The following MUC5AC variants were observed in gnomAD, a reference collection of about 807,000 sequenced individuals.
MUC5AC encodes mucin-5AC.
In MUC5AC, 158 loss-of-function variants were observed where a neutral mutation model predicts 169.7. That is an observed-to-expected ratio of 0.93 (90% CI 0.82 to 1.06). MUC5AC has a LOEUF of 1.06. Among genes scored for constraint, MUC5AC ranks in the 50% least tolerant of loss-of-function variants. The probability of loss-of-function intolerance (pLI) is 0.00; values close to 1 mark genes in which losing one functional copy is unlikely to be tolerated. For synonymous variants in MUC5AC, 1,975 were observed against 1,237.0 expected, an observed-to-expected ratio of 1.60 and a Z score of -12.52; for missense variants, 4,359 against 3,089.9, an observed-to-expected ratio of 1.41 and a Z score of -9.74.
rs954026362 is a variant in MUC5AC, at chr11:1,162,022, G to A, written c.327G>A (p.Glu109=). Residue 109 remains glutamate, a synonymous_variant, in exon 4 of 49, where the codon GAG becomes GAA. Coordinates refer to ENST00000621226, the MANE Select transcript of MUC5AC (RefSeq NM_001304359.2). ...GCCTCTGCAACTACGTGTTCTCCGA[G>A]CACTGCGGTGCCGCCTACGAGGATT... is the stretch of plus-strand genomic sequence containing the variant. ...FPGLCNYVFS[E]HCGAAYEDFN... 6.2e-7 allele frequency: 1 copy of A among 1,612,612 alleles called. No homozygotes were observed. The highest frequency in any genetic ancestry group is 8.5e-7 in the Non-Finnish European group (1 of 1,179,778).
At chr11:1,179,054 G>A (rs889087979) in intron 25 of MUC5AC, 38 bp from the exon 26 acceptor site, 2 of 473,006 alleles carry the variant, frequency 4.2e-6, no homozygotes, top group African/African-American at 4.0e-5. Flanking sequence ...GCGGGGTGGT[G>A]GGGGGGTCCC....
rs1861032215 is a variant in MUC5AC at position 1,189,470 on chromosome 11, A to C, written c.11325A>C (p.Thr3775=). 1.8e-6 allele frequency: 1 copy of C among 556,006 alleles called. No individual in the cohort carries two copies. The highest frequency in any genetic ancestry group is 3.2e-5 in the Admixed American group (1 of 31,086). The allele number at this position is 556,006 out of a possible 1,614,324, so 34.4% of individuals were successfully genotyped here. Residue 3775 remains threonine, a synonymous_variant, in exon 31 of 49, where the codon ACA becomes ACC. Transcript: ENST00000621226. Reference sequence around the variant, plus strand: ...CTTCCTCGGCTCCTACAACCAACACAACCTCTGCCCCTACAACTAGCACTA... The same window carrying C: ...CTTCCTCGGCTCCTACAACCAACACCACCTCTGCCCCTACAACTAGCACTA... ...TSTSSAPTTN[T]TSAPTTSTTS...
intron 15 of MUC5AC, among the ~76,000 whole-genome samples, chr11:1,171,327 T>C (rs1860520232): frequency 2.2e-5 from 2 of 92,926 alleles, no homozygotes; most frequent in Non-Finnish European, 4.1e-5. Flanking sequence ...GTCACCTCAC[T>C]CACTCACTCA....
In MUC5AC at chr11:1,160,661, C is replaced by T; in HGVS notation, c.123C>T (p.Ala41=). 1.2e-6 allele frequency: 2 copies of T among 1,610,856 alleles called. No individual in the cohort carries two copies. The highest frequency in any genetic ancestry group is 1.7e-6 in the Non-Finnish European group (2 of 1,179,626). Residue 41 remains alanine, a synonymous_variant, in exon 2 of 49, where the codon GCC becomes GCT. Transcript: ENST00000621226. The part of the protein sequence containing the change: ...SSESSYKHHP[A]LSPIARGPSG... ...AATCCAGCTACAAGCACCACCCTGC[C>T]CTCTCTCCTATCGCCCGGGGGCCCA...
Position 1,197,924 on chromosome 11 carries a change from C to T in MUC5AC, c.16055C>T (p.Pro5352Leu), listed in dbSNP as rs1037938334. ...YSCACNTSRC[P>L]APVGCPEGAR... ...GCAGCCTGCAACACCAGCCGCTGCC[C>T]CGCGCCCGTGGGCTGTCCTGAGGGC... is the stretch of plus-strand genomic sequence containing the variant. Residue 5352 changes from proline (P) to leucine (L), a missense_variant, in exon 42 of 49, where the codon CCC (proline) becomes CTC (leucine). Transcript: ENST00000621226. 4 of 730,986 alleles carry T rather than the reference C, an allele frequency of 5.5e-6. No homozygotes were observed. The highest frequency in any genetic ancestry group is 3.4e-5 in the African/African-American group (2 of 58,368). The allele number at this position is 730,986 out of a possible 1,614,324, so 45.3% of individuals were successfully genotyped here.
rs1194245005 is a variant in MUC5AC, at chr11:1,173,039, C to A, written c.1965+516C>A. ...TCGCCCCCCCACTCACCCATTCACT[C>A]ACTCATTCACTAACTTACTCACTCA... On this transcript the variant is annotated intron_variant, in intron 16 of 48. Transcript: ENST00000621226. 2.0e-5 allele frequency among the ~76,000 whole-genome samples: 3 copies of A among 151,736 alleles called. No homozygotes were observed. The East Asian group carries it at 5.8e-4, about 29-fold the overall frequency.
rs751891374 is a variant in MUC5AC at position 1,197,553 on chromosome 11, C to T, written c.15947C>T (p.Pro5316Leu). 13 of 716,508 alleles carry T rather than the reference C, an allele frequency of 1.8e-5. No individual in the cohort carries two copies. Among genetic ancestry groups the T allele is most frequent in the East Asian group, 5.2e-5 (2 of 38,292 alleles). 44.4% of individuals were successfully genotyped at this position (716,508 alleles called of 1,614,324 possible). Residue 5316 changes from proline to leucine, a missense_variant, in exon 41 of 49, where the codon CCG becomes CTG. By Grantham distance (98) the Pro-to-Leu change is moderately conservative. Transcript: ENST00000621226. ...WTLTCRPKLCPLPPACPLPGF... is the reference protein window; with the variant it reads ...WTLTCRPKLCLLPPACPLPGF... Reference sequence around the variant, plus strand: ...CTGACCTGCCGACCCAAGCTCTGCCCGCTGCCCCCTGCCTGCCCCCTGCCC... The same window carrying T: ...CTGACCTGCCGACCCAAGCTCTGCCTGCTGCCCCCTGCCTGCCCCCTGCCC...
At position 1,165,683 on chromosome 11, in the gene MUC5AC, C is replaced by G. The variant is rs747345301; in HGVS notation, c.1309C>G (p.Leu437Val). Residue 437 changes from leucine (L) to valine (V), a missense_variant, in exon 11 of 49, where the codon CTT (leucine) becomes GTT (valine). By Grantham distance (32) the Leu-to-Val change is conservative (BLOSUM62 1). Coordinates refer to ENST00000621226, the MANE Select transcript of MUC5AC (RefSeq NM_001304359.2). ...TCCATGCCCGGGTACCTGCTCTGTG[C>G]TTGGAGGTGCCCACTTCTCAACGTT... Reference protein sequence around the residue: ...EVPCPGTCSVLGGAHFSTFDG... With the variant: ...EVPCPGTCSVVGGAHFSTFDG... The G allele has an allele frequency of 6.2e-7, 1 of 1,612,510 alleles. No individual in the cohort carries two copies. Among genetic ancestry groups the G allele is most frequent in the East Asian group, 2.2e-5 (1 of 44,882 alleles).
chr11:1,195,124 C>A lies in MUC5AC; in HGVS notation c.15303C>A (p.Ala5101=), dbSNP rs1203573316. The change falls in exon 36 of 49, where the codon GCC becomes GCA. Residue 5101 remains alanine (A), a synonymous_variant. Coordinates refer to ENST00000621226, the MANE Select transcript of MUC5AC (RefSeq NM_001304359.2). ...LWNVSIPDQP[A]CHRPHPTPTT... ...ACGTGAGCATACCCGACCAGCCAGC[C>A]TGCCACCGGCCTCACCCGACGCCCA... is the stretch of plus-strand genomic sequence containing the variant. 1 of 763,448 alleles carries A rather than the reference C, an allele frequency of 1.3e-6. No homozygotes were observed. The highest frequency in any genetic ancestry group is 2.4e-6 in the Non-Finnish European group (1 of 417,404). The allele number at this position is 763,448 out of a possible 1,614,324, so 47.3% of individuals were successfully genotyped here. A position where few individuals can be genotyped will look rare whatever the true frequency, so the allele number is the denominator to read the frequency against.
At chr11:1,165,229 C>A in intron 9 of MUC5AC, 73 bp from the exon 10 acceptor site, 1 of 1,412,322 alleles carries the variant, frequency 7.1e-7, no homozygotes, top group Non-Finnish European at 9.8e-7. Flanking sequence ...GTGGGGCCGC[C>A]ATGTTGTTCC....
At chr11:1,163,095 T>C (rs1564906186) in intron 6 of MUC5AC, 50 bp downstream of exon 6, 2 of 1,531,102 alleles carry the variant, frequency 1.3e-6, no homozygotes, top group Non-Finnish European at 1.8e-6. Context: ...CCCTGGGGGC[T>C]CAGTGTTGTG....
intron 11 of MUC5AC, among the ~76,000 whole-genome samples, chr11:1,167,155 T>C (rs28758837): frequency 9.5e-6 from 1 of 105,198 alleles, no homozygotes; most frequent in African/African-American, 3.7e-5. Context: ...AGTCTCCCTA[T>C]GGTGAGACCC....
rs774841863 is a variant in MUC5AC, at chr11:1,162,155, G to T, written c.460G>T (p.Val154Phe). ...VIQLTKGSVL[V>F]NGHPVLLPFS... is the part of the protein sequence containing the mutation. Reference sequence around the variant, plus strand: ...CCAGCTGACCAAGGGCTCCGTCCTGGTCAACGGCCACCCGTGAGTCTGGGT... The same window carrying T: ...CCAGCTGACCAAGGGCTCCGTCCTGTTCAACGGCCACCCGTGAGTCTGGGT... Residue 154 changes from valine to phenylalanine, a missense_variant, in exon 4 of 49, where the codon GTC becomes TTC. Val to Phe is a conservative substitution (Grantham distance 50, BLOSUM62 -1). Coordinates refer to ENST00000621226, the MANE Select transcript of MUC5AC (RefSeq NM_001304359.2). 4.3e-6 allele frequency: 7 copies of T among 1,610,460 alleles called. No individual in the cohort carries two copies. The African/African-American group carries it at 8.0e-5, about 18-fold the overall frequency.
intron 15 of MUC5AC, 155 bp downstream of exon 15, chr11:1,169,181 G>A (rs1407691507): frequency 4.7e-5 from 46 of 982,218 alleles, no homozygotes; most frequent in Non-Finnish European, 5.2e-5. Context: ...CATGGTGGGC[G>A]CCCAACCCAG....
rs2133765137 is a variant in MUC5AC at position 1,190,263 on chromosome 11, A to T, written c.12118A>T (p.Met4040Leu). Residue 4040 changes from methionine to leucine, a missense_variant, in exon 31 of 49, where the codon ATG becomes TTG. By Grantham distance (15) the Met-to-Leu change is conservative. Transcript: ENST00000621226. ...CCAGGACCAGCAGGGACCCTTCAAG[A>T]TGTGCCTCAACTACGAGGTGCGTGT... is the stretch of plus-strand genomic sequence containing the variant. The part of the protein sequence containing the change: ...RNQDQQGPFK[M>L]CLNYEVRVLC... The T allele has an allele frequency of 1.4e-6, 1 of 723,210 alleles. No individual in the cohort carries two copies. Among genetic ancestry groups the T allele is most frequent in the Admixed American group, 1.9e-5 (1 of 53,660 alleles). The allele number at this position is 723,210 out of a possible 1,614,324, so 44.8% of individuals were successfully genotyped here. A position where few individuals can be genotyped will look rare whatever the true frequency, so the allele number is the denominator to read the frequency against.
At chr11:1,171,855 CCATT>C in intron 15 of MUC5AC, among the ~76,000 whole-genome samples, 1 of 146,522 alleles carries the variant, frequency 6.8e-6, no homozygotes, top group East Asian at 2.1e-4. Context: ...ACCCACTCAC[CCATT>C]CACTCACTCA....
chr11:1,164,388 C>T lies in MUC5AC; in HGVS notation c.1004-19C>T, dbSNP rs544274678. The T allele has an allele frequency of 2.5e-6, 4 of 1,612,090 alleles. No individual in the cohort carries two copies. The highest frequency in any genetic ancestry group is 3.4e-6 in the Non-Finnish European group (4 of 1,179,644). Reference sequence around the variant, plus strand: ...GGGCAGGGGCAGGCAGACGTGAGCCCTCTCTCTGCCTCCCGCAGCCCAGAA... The same window carrying T: ...GGGCAGGGGCAGGCAGACGTGAGCCTTCTCTCTGCCTCCCGCAGCCCAGAA... On this transcript the variant is annotated intron_variant, in intron 8 of 48. Coordinates refer to ENST00000621226, the MANE Select transcript of MUC5AC (RefSeq NM_001304359.2).
At chr11:1,158,694 T>C (rs1860037310) in intron 1 of MUC5AC, among the ~76,000 whole-genome samples, 1 of 152,186 alleles carries the variant, frequency 6.6e-6, no homozygotes, top group African/African-American at 2.4e-5. Context: ...GAGGGACACC[T>C]GGGACCGGGT....
rs762405753 is a variant in MUC5AC at position 1,167,987 on chromosome 11, G to A, written c.1497G>A (p.Thr499=). ...SVTLSLDGAQ[T]VVVIKASGEV... Reference sequence around the variant, plus strand: ...CACTGAGCCTGGATGGGGCGCAGACGGTGAGTGGAGCCTGGCAGGGCAAAC... The same window carrying A: ...CACTGAGCCTGGATGGGGCGCAGACAGTGAGTGGAGCCTGGCAGGGCAAAC... Residue 499 remains threonine (T), a splice_region_variant and synonymous_variant, in exon 12 of 49, where the codon ACG becomes ACA. Coordinates refer to ENST00000621226, the MANE Select transcript of MUC5AC (RefSeq NM_001304359.2). 2.4e-5 allele frequency: 37 copies of A among 1,549,978 alleles called. No individual in the cohort carries two copies. Among genetic ancestry groups the A allele is most frequent in the Non-Finnish European group, 3.0e-5 (34 of 1,146,826 alleles).
Sources: gnomAD v4.1 joint callset for allele counts (sites outside exome capture counted in the v4.1 genomes callset) on GRCh38, gnomAD v4.1.1 for gene constraint, MANE v1.5 for transcripts, NCBI Gene and HGNC (gene_info 2026-07-23, HGNC 2026-07-21) for gene names.